The following FER1L6 variants were observed in gnomAD, a reference collection of about 807,000 sequenced individuals.
FER1L6 encodes fer-1-like protein 6.
FER1L6 carries 177 observed loss-of-function variants against 219.2 expected under a neutral mutation model. That is an observed-to-expected ratio of 0.81 (90% CI 0.71 to 0.91). The LOEUF (loss-of-function observed/expected upper bound fraction) is 0.91. FER1L6 is among the 40% of genes least tolerant of loss of function. The pLI is 0.00. For missense variants in FER1L6, 2,153 were observed against 2,259.9 expected, an observed-to-expected ratio of 0.95 and a Z score of 0.96; for synonymous variants, 768 against 824.3, an observed-to-expected ratio of 0.93 and a Z score of 1.17.
chr8:123,961,705 G>A (rs928633385), intron 2 of FER1L6, among the ~76,000 whole-genome samples: 3 of 152,086 alleles, frequency 2.0e-5, no homozygotes, highest in Non-Finnish European at 2.9e-5. Flanking sequence ...CTGAACACAC[G>A]TGCATGTTAT....
rs1263018002 is a variant in FER1L6 at position 123,933,367 on chromosome 8, CATAT to C, written c.-7-22624_-7-22621del. Among the ~76,000 whole-genome samples, 605 of 146,940 alleles carry C rather than the reference CATAT, an allele frequency of 4.1e-3. 4 individuals carry two copies. Among genetic ancestry groups the C allele is most frequent in the Non-Finnish European group, 7.1e-3 (473 of 66,444 alleles). On this transcript the variant is annotated intron_variant, in intron 1 of 40. Coordinates refer to ENST00000522917, the MANE Select transcript of FER1L6 (RefSeq NM_001039112.2). ...CTATAGTCTGATCTTTCTATCATAG[CATAT>C]GTGTGTCTGTGTGTGTGTGTGTGTG...
At chr8:124,102,240 G>T (rs756665115) in intron 38 of FER1L6, among the ~76,000 whole-genome samples, 14 of 152,154 alleles carry the variant, frequency 9.2e-5, no homozygotes, top group African/African-American at 2.9e-4. Context: ...GTGGAGAGGA[G>T]GAGTCTATTC....
intron 2 of FER1L6, among the ~76,000 whole-genome samples, chr8:123,961,220 A>G (rs1310466772): frequency 1.3e-5 from 2 of 152,166 alleles, no homozygotes; most frequent in Non-Finnish European, 2.9e-5. Flanking sequence ...AGATCTTGCC[A>G]CTGCGTCCCA....
intron 37 of FER1L6, 104 bp downstream of exon 37, chr8:124,097,987 C>A (rs1822384390): frequency 3.4e-6 from 2 of 585,478 alleles, no homozygotes; most frequent in Non-Finnish European, 3.1e-6. Context: ...CCACAGCCCA[C>A]AAAGTGAGCC....
chr8:124,041,140 A>G (rs1819469107), intron 20 of FER1L6, among the ~76,000 whole-genome samples: 1 of 152,188 alleles, frequency 6.6e-6, no homozygotes, highest in Non-Finnish European at 1.5e-5. Flanking sequence ...AGAATTGCCC[A>G]TCTCAGGGAG....
At position 123,852,874 on chromosome 8, in the gene FER1L6, C is replaced by T. The variant is rs2130231500; in HGVS notation, c.-8+689C>T. Among the ~76,000 whole-genome samples, 1 of 152,116 alleles carries T rather than the reference C, an allele frequency of 6.6e-6. No homozygotes were observed. The highest frequency in any genetic ancestry group is 1.9e-4 in the East Asian group (1 of 5,180). On this transcript the variant is annotated intron_variant, in intron 1 of 40. Transcript: ENST00000522917. The surrounding 1 kb of genome is among the most constrained non-coding windows in gnomAD (Gnocchi z 4.9). ...CTGTTCTAGGAGCCAGTCCAGAATC[C>T]CACATTGTAATTTTTGGAGATGGAT...
At chr8:124,108,731 T>C (rs1822884679) in intron 39 of FER1L6, among the ~76,000 whole-genome samples, 1 of 151,806 alleles carries the variant, frequency 6.6e-6, no homozygotes, top group Non-Finnish European at 1.5e-5. Flanking sequence ...TTTTAAAATT[T>C]GCCAGGCATG....
chr8:123,915,364 CA>C (rs1331977311), intron 1 of FER1L6, among the ~76,000 whole-genome samples: 2 of 151,862 alleles, frequency 1.3e-5, no homozygotes, highest in Non-Finnish European at 2.9e-5. Flanking sequence ...TGGTTTGGGG[CA>C]GGATAAAAAG....
chr8:123,953,280 C>T (rs1034467244), intron 1 of FER1L6, among the ~76,000 whole-genome samples: 5 of 152,190 alleles, frequency 3.3e-5, no homozygotes, highest in African/African-American at 9.7e-5. Context: ...CCCAAGAGGG[C>T]CGCGCTGGTT....
At chr8:124,017,755 TA>T (rs1563746450) in intron 16 of FER1L6, 37 bp downstream of exon 16, 4 of 1,556,096 alleles carry the variant, frequency 2.6e-6, no homozygotes, top group Non-Finnish European at 3.5e-6. Context: ...TGGACAGAGT[TA>T]AAAATAAACC....
At position 124,071,556 on chromosome 8, in the gene FER1L6, CG is replaced by C; in HGVS notation, c.4020del (p.Gln1341SerfsTer2). 6.2e-7 allele frequency: 1 copy of C among 1,614,064 alleles called. No individual in the cohort carries two copies. Among genetic ancestry groups the C allele is most frequent in the Non-Finnish European group, 8.5e-7 (1 of 1,179,942 alleles). ...CCCAGGATTCTAGCTCTGAGGACAG[CG>C]GGCAGCTGAGAATCCAGCAAGGGAT... ...SPQDSSSEDS[G>X]QLRIQQGIPP... On this transcript the variant is annotated frameshift_variant, in exon 31 of 41. Coordinates refer to ENST00000522917, the MANE Select transcript of FER1L6 (RefSeq NM_001039112.2). LOFTEE classifies it high-confidence loss of function.
chr8:124,043,931 A>G (rs1366774735), intron 20 of FER1L6, among the ~76,000 whole-genome samples: 1 of 152,222 alleles, frequency 6.6e-6, no homozygotes, highest in East Asian at 1.9e-4. Flanking sequence ...ATAGCTATTG[A>G]GCATCTGCTA....
intron 39 of FER1L6, among the ~76,000 whole-genome samples, chr8:124,109,157 G>A (rs1046946417): frequency 6.6e-6 from 1 of 152,112 alleles, no homozygotes; most frequent in Non-Finnish European, 1.5e-5. Context: ...AGAGATACAC[G>A]TCCAATAAAG....
intron 1 of FER1L6, among the ~76,000 whole-genome samples, chr8:123,883,473 T>G (rs1490241961): frequency 6.6e-6 from 1 of 152,214 alleles, no homozygotes; most frequent in Non-Finnish European, 1.5e-5. Flanking sequence ...GTATGCACAG[T>G]AAACACTCAG....
chr8:124,039,099 C>G (rs1819347103), intron 19 of FER1L6, among the ~76,000 whole-genome samples: 1 of 152,044 alleles, frequency 6.6e-6, no homozygotes, highest in South Asian at 2.1e-4. Context: ...GCACAGTGTG[C>G]TCACTCCTGT....
chr8:124,098,882 A>T (rs186677586), intron 37 of FER1L6, among the ~76,000 whole-genome samples: 58 of 152,236 alleles, frequency 3.8e-4, no homozygotes, highest in African/African-American at 1.3e-3. Context: ...TTTCTCCCCA[A>T]TATGCCACCA....
chr8:124,091,390 G>A (rs1044455552), intron 33 of FER1L6, 33 bp from the exon 34 acceptor site: 3 of 1,594,924 alleles, frequency 1.9e-6, no homozygotes, highest in Non-Finnish European at 2.6e-6. Context: ...TTTAAGTGAG[G>A]ACCTCAAAGT....
At chr8:124,069,570 G>A in intron 29 of FER1L6, 95 bp downstream of exon 29, 1 of 831,170 alleles carries the variant, frequency 1.2e-6, no homozygotes, top group South Asian at 1.9e-5. Context: ...TCATGCCTTT[G>A]TTTGATATTT....
chr8:123,965,084 A>G (rs940400302), intron 3 of FER1L6, among the ~76,000 whole-genome samples: 1 of 152,204 alleles, frequency 6.6e-6, no homozygotes, highest in Non-Finnish European at 1.5e-5. Context: ...TCTTACCTGC[A>G]TTGTCTCCTT....
Sources: gnomAD v4.1 joint callset for allele counts (sites outside exome capture counted in the v4.1 genomes callset) on GRCh38, gnomAD v4.1.1 for gene constraint, Gnocchi (gnomAD v3.1) non-coding constraint, MANE v1.5 for transcripts, NCBI Gene and HGNC (gene_info 2026-07-23, HGNC 2026-07-21) for gene names.